The following ZNF697 variants were observed in gnomAD, a reference collection of about 807,000 sequenced individuals.
ZNF697 encodes the protein zinc finger protein 697.
A neutral mutation model predicts 32.4 loss-of-function variants in ZNF697; 23 were observed. The observed-to-expected ratio is 0.71, with a 90% CI of 0.51 to 1.01. ZNF697 has a LOEUF of 1.01. Among genes scored for constraint, ZNF697 ranks in the 50% least tolerant of loss-of-function variants. ZNF697 has a pLI of 0.00. For synonymous variants in ZNF697, 418 were observed against 337.2 expected (o/e 1.24, Z -2.62); for missense variants, 930 against 794.0 (o/e 1.17, Z -2.06).
In ZNF697 at chr1:119,623,888, C is replaced by G. The variant is rs1451224887; in HGVS notation, c.455G>C (p.Arg152Pro). The G allele has an allele frequency of 1.9e-6, 3 of 1,545,894 alleles. No homozygotes were observed. Among genetic ancestry groups the G allele is most frequent in the Non-Finnish European group, 8.7e-7 (1 of 1,143,528 alleles). The change falls in exon 3 of 3, where the codon CGG (arginine) becomes CCG (proline). Residue 152 changes from arginine (R) to proline (P), a missense_variant. By Grantham distance (103) the Arg-to-Pro change is moderately radical. Coordinates refer to ENST00000421812, the MANE Select transcript of ZNF697 (RefSeq NM_001080470.2). ...PWRRHLSLGS[R>P]HRGDKPAHRR... is the part of the protein sequence containing the mutation. ...GTGGGCGGGCTTGTCACCTCGGTGC[C>G]GACTCCCCAGGGAGAGATGTCGCCT... is the stretch of plus-strand genomic sequence containing the variant.
intron 1 of ZNF697, among the ~76,000 whole-genome samples, chr1:119,630,665 G>A (rs996743343): frequency 1.3e-5 from 2 of 152,192 alleles, no homozygotes; most frequent in Non-Finnish European, 2.9e-5. Flanking sequence ...AAAGACTCCA[G>A]CCTGGGCAAC....
chr1:119,623,656 G>T lies in ZNF697; in HGVS notation c.687C>A (p.Gly229=). ...AASLEPFGLA[G]ECDAMVGMMG... The stretch of plus-strand genomic sequence containing the variant: ...TCATGCCCACCATCGCGTCGCACTC[G>T]CCCGCCAGGCCGAAGGGCTCCAGGC... The change falls in exon 3 of 3, where the codon GGC becomes GGA. Residue 229 remains glycine, a synonymous_variant. Coordinates refer to ENST00000421812, the MANE Select transcript of ZNF697 (RefSeq NM_001080470.2). The T allele has an allele frequency of 1.6e-6, 2 of 1,275,668 alleles. No homozygotes were observed. The highest frequency in any genetic ancestry group is 6.3e-4 in the Middle Eastern group (2 of 3,176). 79.0% of individuals were successfully genotyped at this position (1,275,668 alleles called of 1,614,324 possible). A position where few individuals can be genotyped will look rare whatever the true frequency, so the allele number is the denominator to read the frequency against.
At position 119,624,134 on chromosome 1, in the gene ZNF697, G is replaced by A. The variant is rs781494286; in HGVS notation, c.227-18C>T. 1.1e-5 allele frequency: 17 copies of A among 1,537,536 alleles called. No individual in the cohort carries two copies. Among genetic ancestry groups the A allele is most frequent in the African/African-American group, 1.4e-5 (1 of 72,168 alleles). On this transcript the variant is annotated intron_variant, in intron 2 of 2. Transcript: ENST00000421812. The stretch of plus-strand genomic sequence containing the variant: ...CTGCCCCTCTGCAACAGAAAAAGGT[G>A]GCAGTGGGGGATTACTATACTTGGC...
intron 1 of ZNF697, among the ~76,000 whole-genome samples, chr1:119,628,610 A>G (rs2101083926): frequency 6.6e-6 from 1 of 152,308 alleles, no homozygotes; most frequent in East Asian, 1.9e-4. Flanking sequence ...AAAGAGCTTG[A>G]AGTTCCTGTC....
At chr1:119,640,932 C>T (rs1175848295) in intron 1 of ZNF697, among the ~76,000 whole-genome samples, 1 of 152,156 alleles carries the variant, frequency 6.6e-6, no homozygotes, top group Non-Finnish European at 1.5e-5. Context: ...CTTACTACAA[C>T]AAGAAAGGCA....
intron 1 of ZNF697, among the ~76,000 whole-genome samples, chr1:119,636,937 C>G (rs995333186): frequency 6.6e-6 from 1 of 152,174 alleles, no homozygotes; most frequent in African/African-American, 2.4e-5. Context: ...CTGTAACACC[C>G]TGCCTCTCTT....
Position 119,620,111 on chromosome 1 carries a change from A to G in ZNF697, c.*2594T>C, listed in dbSNP as rs1648263353. ...ATGGAATCACATTTTAAATGCACCAATAGAGTCGGGTGTTGGTAGTTGGAT... is the reference window on the plus strand; with the variant it reads ...ATGGAATCACATTTTAAATGCACCAGTAGAGTCGGGTGTTGGTAGTTGGAT... On this transcript the variant is annotated 3_prime_UTR_variant, in exon 3 of 3. Coordinates refer to ENST00000421812, the MANE Select transcript of ZNF697 (RefSeq NM_001080470.2). 1 of 152,672 alleles carries G rather than the reference A, an allele frequency of 6.5e-6. No individual in the cohort carries two copies. Among genetic ancestry groups the G allele is most frequent in the Non-Finnish European group, 1.5e-5 (1 of 68,048 alleles). 9.5% of individuals were successfully genotyped at this position (152,672 alleles called of 1,614,324 possible).
At chr1:119,639,633 C>T (rs1649012025) in intron 1 of ZNF697, among the ~76,000 whole-genome samples, 1 of 150,592 alleles carries the variant, frequency 6.6e-6, no homozygotes. Flanking sequence ...AATCCCAGCA[C>T]TTTTGGGGGC....
chr1:119,647,326 T>C (rs1404849511), intron 1 of ZNF697, among the ~76,000 whole-genome samples: 1 of 152,106 alleles, frequency 6.6e-6, no homozygotes, highest in East Asian at 1.9e-4. Flanking sequence ...GGTTCCAGCT[T>C]TGCCCACCAC....
chr1:119,623,354 G>C lies in ZNF697; in HGVS notation c.989C>G (p.Ser330Trp), dbSNP rs1325547755. The change falls in exon 3 of 3, where the codon TCG becomes TGG. Residue 330 changes from serine (S) to tryptophan (W), a missense_variant. Coordinates refer to ENST00000421812, the MANE Select transcript of ZNF697 (RefSeq NM_001080470.2). The part of the protein sequence containing the change: ...PECGEAFSLS[S>W]HLLSHRRAHA... ...CGCGCGCCGGTGGCTCAACAGATGC[G>C]AGCTGAGGCTGAAGGCCTCGCCGCA... is the stretch of plus-strand genomic sequence containing the variant. 4.2e-6 allele frequency: 6 copies of C among 1,431,632 alleles called. No individual in the cohort carries two copies. Among genetic ancestry groups the C allele is most frequent in the Non-Finnish European group, 4.6e-6 (5 of 1,095,854 alleles). 88.7% of individuals were successfully genotyped at this position (1,431,632 alleles called of 1,614,324 possible).
At chr1:119,626,620 T>C (rs754906758) in intron 1 of ZNF697, among the ~76,000 whole-genome samples, 1 of 152,222 alleles carries the variant, frequency 6.6e-6, no homozygotes, top group Non-Finnish European at 1.5e-5. Flanking sequence ...CTTGCAAGTA[T>C]TTTGGTTATC....
intron 1 of ZNF697, among the ~76,000 whole-genome samples, chr1:119,640,264 G>C (rs987861787): frequency 6.6e-6 from 1 of 152,148 alleles, no homozygotes; most frequent in African/African-American, 2.4e-5. Flanking sequence ...AAAATCAGGA[G>C]TAATTATTTC....
chr1:119,641,347 T>TC (rs1025642458), intron 1 of ZNF697, among the ~76,000 whole-genome samples: 3 of 148,096 alleles, frequency 2.0e-5, no homozygotes, highest in South Asian at 2.1e-4. Context: ...CTGGCACACA[T>TC]CCCCCCCTAA....
In ZNF697 at chr1:119,638,749, C is replaced by G. The variant is rs587693395; in HGVS notation, c.-38+8942G>C. ...CAACCCCTGACCTGCACTCCAGATC[C>G]ACATTTCTCATGATGCCCCAAGCAT... On this transcript the variant is annotated intron_variant, in intron 1 of 2. Transcript: ENST00000421812. Among the ~76,000 whole-genome samples, 5 of 152,304 alleles carry G rather than the reference C, an allele frequency of 3.3e-5. No individual in the cohort carries two copies. In the South Asian group the frequency reaches 1.0e-3, roughly 32 times the overall value.
intron 1 of ZNF697, among the ~76,000 whole-genome samples, chr1:119,640,000 C>T (rs901904244): frequency 2.6e-5 from 4 of 152,192 alleles, no homozygotes; most frequent in Non-Finnish European, 4.4e-5. Context: ...ACTGAACCTA[C>T]CTTATAGGGA....
chr1:119,629,286 G>C (rs1204666463), intron 1 of ZNF697, among the ~76,000 whole-genome samples: 1 of 152,242 alleles, frequency 6.6e-6, no homozygotes, highest in Non-Finnish European at 1.5e-5. Flanking sequence ...ACAAGGGCAA[G>C]AGTTGTGATA....
chr1:119,636,158 C>G (rs1648913781), intron 1 of ZNF697, among the ~76,000 whole-genome samples: 1 of 152,062 alleles, frequency 6.6e-6, no homozygotes, highest in South Asian at 2.1e-4. Context: ...CCTAGCATTT[C>G]CCAAAGAGAG....
rs1301398086 is a variant in ZNF697, at chr1:119,625,760, G to T, written c.226+115C>A. ...AAGTCAGTACAGAATCCTGCTTAATGGTCCCCTCTATGGAACTCCCTTACA... is the reference window on the plus strand; with the variant it reads ...AAGTCAGTACAGAATCCTGCTTAATTGTCCCCTCTATGGAACTCCCTTACA... On this transcript the variant is annotated intron_variant, in intron 2 of 2. Transcript: ENST00000421812. The T allele has an allele frequency of 5.2e-6, 7 of 1,356,278 alleles. No homozygotes were observed. The African/African-American group carries it at 8.8e-5, about 17-fold the overall frequency. 84.0% of individuals were successfully genotyped at this position (1,356,278 alleles called of 1,614,324 possible).
At chr1:119,633,625 A>T (rs1432202563) in intron 1 of ZNF697, among the ~76,000 whole-genome samples, 1 of 152,166 alleles carries the variant, frequency 6.6e-6, no homozygotes, top group Non-Finnish European at 1.5e-5. Context: ...ACTGATTTAT[A>T]TGTTATCCTC....
Sources: gnomAD v4.1 joint callset for allele counts (sites outside exome capture counted in the v4.1 genomes callset) on GRCh38, gnomAD v4.1.1 for gene constraint, MANE v1.5 for transcripts, NCBI Gene and HGNC (gene_info 2026-07-23, HGNC 2026-07-21) for gene names.